GADD45GIP1: variants seen among roughly 807,000 people sequenced by gnomAD.
GADD45GIP1 encodes large ribosomal subunit protein mL64.
In GADD45GIP1, 17 loss-of-function variants were observed where a neutral mutation model predicts 22.1. The ratio of observed to expected loss-of-function variants is 0.77; its 90% confidence interval spans 0.53 to 1.15. The LOEUF (loss-of-function observed/expected upper bound fraction) is 1.15. Ranked by LOEUF, GADD45GIP1 falls within the 50% of genes most tolerant of loss-of-function variation. The probability of loss-of-function intolerance (pLI) is 0.00; values close to 1 mark genes in which losing one functional copy is unlikely to be tolerated. For missense variants in GADD45GIP1, 294 were observed against 314.0 expected (o/e 0.94, Z 0.48); for synonymous variants, 135 against 138.4 (o/e 0.98, Z 0.17).
chr19:12,957,145 C>G lies in GADD45GIP1; in HGVS notation c.68G>C (p.Arg23Pro), dbSNP rs759528552. Residue 23 changes from arginine to proline, a missense_variant, in exon 1 of 2, where the codon CGT (arginine) becomes CCT (proline). Coordinates refer to ENST00000316939, the MANE Select transcript of GADD45GIP1 (RefSeq NM_052850.4). The stretch of plus-strand genomic sequence containing the variant: ...CGGGGGCGGCCGCGCCCGGTAGCCA[C>G]GGGAACCCGGGGCCAGGGTCGCCGC... ...GVAATLAPGS[R>P]GYRARPPPRR... 2 of 1,415,764 alleles carry G rather than the reference C, an allele frequency of 1.4e-6. No homozygotes were observed. Among genetic ancestry groups the G allele is most frequent in the Middle Eastern group, 2.6e-4 (1 of 3,814 alleles). 87.7% of individuals were successfully genotyped at this position (1,415,764 alleles called of 1,614,324 possible).
chr19:12,953,254 GTCC>G lies in GADD45GIP1; in HGVS notation c.*951_*953del, dbSNP rs1186016615. ...TCCCGGGCCAGACAGCTGTCCCCCC[GTCC>G]TCCTCCCCAGCCCAGCCTGCTCAGA... is the stretch of plus-strand genomic sequence containing the variant. On this transcript the variant is annotated 3_prime_UTR_variant, in exon 2 of 2. Transcript: ENST00000316939. 1 of 417,598 alleles carries G rather than the reference GTCC, an allele frequency of 2.4e-6. No individual in the cohort carries two copies. Among genetic ancestry groups the G allele is most frequent in the Non-Finnish European group, 4.1e-6 (1 of 241,324 alleles). The allele number at this position is 417,598 out of a possible 1,614,324, so 25.9% of individuals were successfully genotyped here.
At chr19:12,955,803 G>A (rs1165282717) in intron 1 of GADD45GIP1, among the ~76,000 whole-genome samples, 1 of 152,088 alleles carries the variant, frequency 6.6e-6, no homozygotes, top group African/African-American at 2.4e-5. Flanking sequence ...AGAGGTTGCA[G>A]TGAGCTGAGA....
At chr19:12,955,850 C>T (rs1440518180) in intron 1 of GADD45GIP1, among the ~76,000 whole-genome samples, 1 of 151,458 alleles carries the variant, frequency 6.6e-6, no homozygotes, top group African/African-American at 2.4e-5. Context: ...CAAAACTCTG[C>T]CTCAAAACAA....
At position 12,956,963 on chromosome 19, in the gene GADD45GIP1, C is replaced by A. The variant is rs750304726; in HGVS notation, c.250G>T (p.Glu84Ter). The stretch of plus-strand genomic sequence containing the variant: ...CATTCGCGTTCTTCGGCCTCCAGCT[C>A]CCGCAGCTGCTCCGGCGACGGCCAT... ...SLWPSPEQLR[E>*]LEAEEREWYP... The change falls in exon 1 of 2, where the codon GAG (glutamate) becomes TAG (stop). Residue 84 changes from glutamate (E) to a stop codon, truncating the protein, a stop_gained. Coordinates refer to ENST00000316939, the MANE Select transcript of GADD45GIP1 (RefSeq NM_052850.4). LOFTEE classifies it high-confidence loss of function. 1 of 1,599,236 alleles carries A rather than the reference C, an allele frequency of 6.3e-7. No homozygotes were observed. Among genetic ancestry groups the A allele is most frequent in the Non-Finnish European group, 8.5e-7 (1 of 1,179,714 alleles).
Position 12,957,134 on chromosome 19 carries a change from C to A in GADD45GIP1, c.79G>T (p.Ala27Ser). ...GGCCTGCGGCGCGGGGGCGGCCGCGCCCGGTAGCCACGGGAACCCGGGGCC... is the reference window on the plus strand; with the variant it reads ...GGCCTGCGGCGCGGGGGCGGCCGCGACCGGTAGCCACGGGAACCCGGGGCC... ...TLAPGSRGYR[A>S]RPPPRRRPGP... Residue 27 changes from alanine (A) to serine (S), a missense_variant, in exon 1 of 2, where the codon GCG becomes TCG. Physicochemically the swap from Ala to Ser is moderately conservative, Grantham distance 99. Transcript: ENST00000316939. 1 of 1,413,754 alleles carries A rather than the reference C, an allele frequency of 7.1e-7. No individual in the cohort carries two copies. Among genetic ancestry groups the A allele is most frequent in the Non-Finnish European group, 9.1e-7 (1 of 1,096,886 alleles). 87.6% of individuals were successfully genotyped at this position (1,413,754 alleles called of 1,614,324 possible).
chr19:12,953,901 C>T lies in GADD45GIP1; in HGVS notation c.*307G>A, dbSNP rs1026192825. The T allele has an allele frequency of 8.6e-6, 3 of 347,076 alleles. No individual in the cohort carries two copies. The highest frequency in any genetic ancestry group is 5.4e-5 in the East Asian group (1 of 18,442). 21.5% of individuals were successfully genotyped at this position (347,076 alleles called of 1,614,324 possible). A position where few individuals can be genotyped will look rare whatever the true frequency, so the allele number is the denominator to read the frequency against. On this transcript the variant is annotated 3_prime_UTR_variant, in exon 2 of 2. Transcript: ENST00000316939. ...AGTCTGTTTTGGCTATACTTCCCCC[C>T]CCACCAGCCTTGTAATTGGCTAATT... is the stretch of plus-strand genomic sequence containing the variant.
intron 1 of GADD45GIP1, among the ~76,000 whole-genome samples, chr19:12,956,510 C>T (rs1410558964): frequency 6.6e-6 from 1 of 152,072 alleles, no homozygotes; most frequent in Admixed American, 6.6e-5. Context: ...AAAAATTTGC[C>T]GGGCGTGGTG....
chr19:12,956,682 A>C (rs1395054291), intron 1 of GADD45GIP1, among the ~76,000 whole-genome samples, 181 bp downstream of exon 1: 1 of 148,982 alleles, frequency 6.7e-6, no homozygotes, highest in African/African-American at 2.4e-5. Context: ...AACAAACAAA[A>C]CTTGCTGATG....
chr19:12,957,155 G>A lies in GADD45GIP1; in HGVS notation c.58C>T (p.Pro20Ser). 1 of 1,419,428 alleles carries A rather than the reference G, an allele frequency of 7.0e-7. No homozygotes were observed. Among genetic ancestry groups the A allele is most frequent in the Non-Finnish European group, 9.1e-7 (1 of 1,100,276 alleles). 87.9% of individuals were successfully genotyped at this position (1,419,428 alleles called of 1,614,324 possible). The change falls in exon 1 of 2, where the codon CCG (proline) becomes TCG (serine). Residue 20 changes from proline to serine, a missense_variant. Physicochemically the swap from Pro to Ser is moderately conservative, Grantham distance 74. Transcript: ENST00000316939. ...CGCGCCCGGTAGCCACGGGAACCCG[G>A]GGCCAGGGTCGCCGCCACACCTAGT... The part of the protein sequence containing the change: ...SLLGVAATLA[P>S]GSRGYRARPP...
Position 12,953,173 on chromosome 19 carries a change from AAAAAC to A in GADD45GIP1, c.*1030_*1034del. 1 of 698,960 alleles carries A rather than the reference AAAAAC, an allele frequency of 1.4e-6. No homozygotes were observed. Among genetic ancestry groups the A allele is most frequent in the Non-Finnish European group, 2.2e-6 (1 of 449,634 alleles). The allele number at this position is 698,960 out of a possible 1,614,324, so 43.3% of individuals were successfully genotyped here. On this transcript the variant is annotated 3_prime_UTR_variant, in exon 2 of 2. Coordinates refer to ENST00000316939, the MANE Select transcript of GADD45GIP1 (RefSeq NM_052850.4). ...TGGAAAAAAAAATCAAAAATCTTAA[AAAAAC>A]AAGCAAACAGTCCAGCTTCCTGTCC...
Position 12,953,903 on chromosome 19 carries a change from C to G in GADD45GIP1, c.*305G>C, listed in dbSNP as rs558765789. On this transcript the variant is annotated 3_prime_UTR_variant, in exon 2 of 2. Transcript: ENST00000316939. ...TCTGTTTTGGCTATACTTCCCCCCC[C>G]ACCAGCCTTGTAATTGGCTAATTAC... 7.9e-5 allele frequency: 28 copies of G among 352,690 alleles called. No homozygotes were observed. In the South Asian group the frequency reaches 1.0e-3, roughly 13 times the overall value. 21.8% of individuals were successfully genotyped at this position (352,690 alleles called of 1,614,324 possible).
Position 12,954,282 on chromosome 19 carries a change from T to C in GADD45GIP1, c.595A>G (p.Lys199Glu), listed in dbSNP as rs145414355. 2,923 of 1,611,626 alleles carry C rather than the reference T, an allele frequency of 1.8e-3. 26 individuals carry two copies. The highest frequency in any genetic ancestry group is 0.014 in the South Asian group (1,286 of 91,056). Residue 199 changes from lysine to glutamate, a missense_variant, in exon 2 of 2, where the codon AAG becomes GAG. Lys to Glu is a moderately conservative substitution (Grantham distance 56). Coordinates refer to ENST00000316939, the MANE Select transcript of GADD45GIP1 (RefSeq NM_052850.4). ...GCCAATGCAGCAGCTCGCGCCTCCT[T>C]CTTCCGTTTCTGTTTTTCCTCCTTG... ...RLKEEKQKRK[K>E]EARAAALAAA...
chr19:12,954,183 G>A lies in GADD45GIP1; in HGVS notation c.*25C>T. The A allele has an allele frequency of 6.3e-7, 1 of 1,597,510 alleles. No homozygotes were observed. ...TCTTCAGGGGTACTGCCAGGTAGCAGGCTTTATTGGGAAGGGACAAAGCCT... is the reference window on the plus strand; with the variant it reads ...TCTTCAGGGGTACTGCCAGGTAGCAAGCTTTATTGGGAAGGGACAAAGCCT... On this transcript the variant is annotated 3_prime_UTR_variant, in exon 2 of 2. Coordinates refer to ENST00000316939, the MANE Select transcript of GADD45GIP1 (RefSeq NM_052850.4).
rs1377231954 is a variant in GADD45GIP1 at position 12,957,014 on chromosome 19, C to T, written c.199G>A (p.Ala67Thr). The T allele has an allele frequency of 1.3e-6, 2 of 1,597,672 alleles. No homozygotes were observed. Among genetic ancestry groups the T allele is most frequent in the Non-Finnish European group, 1.7e-6 (2 of 1,179,056 alleles). ...AACGAACCGGGGACCACCCCGGAGG[C>T]GGCGCCGTAACGCGCGAACTGCTTA... ...AAKQFARYGA[A>T]SGVVPGSLWP... Residue 67 changes from alanine (A) to threonine (T), a missense_variant, in exon 1 of 2, where the codon GCC becomes ACC. Ala to Thr is a moderately conservative substitution (Grantham distance 58). Transcript: ENST00000316939.
chr19:12,954,637 C>A, intron 1 of GADD45GIP1, 111 bp from the exon 2 acceptor site: 1 of 775,112 alleles, frequency 1.3e-6, no homozygotes, highest in East Asian at 2.7e-5. Context: ...CTCAACTCCC[C>A]CAGTAGATTA....
At position 12,953,445 on chromosome 19, in the gene GADD45GIP1, C is replaced by T. The variant is rs1331139753; in HGVS notation, c.*763G>A. ...GGATGAGGGGAAGCTGGAGCCCCAACTTTGATCCTCCATTGGAGTGGCCCA... is the reference window on the plus strand; with the variant it reads ...GGATGAGGGGAAGCTGGAGCCCCAATTTTGATCCTCCATTGGAGTGGCCCA... On this transcript the variant is annotated 3_prime_UTR_variant, in exon 2 of 2. Transcript: ENST00000316939. 1 of 156,088 alleles carries T rather than the reference C, an allele frequency of 6.4e-6. No individual in the cohort carries two copies. Among genetic ancestry groups the T allele is most frequent in the African/African-American group, 2.4e-5 (1 of 41,570 alleles). 9.7% of individuals were successfully genotyped at this position (156,088 alleles called of 1,614,324 possible). A position where few individuals can be genotyped will look rare whatever the true frequency, so the allele number is the denominator to read the frequency against.
In GADD45GIP1 at chr19:12,955,957, C is replaced by A. The variant is rs1971919092; in HGVS notation, c.350+906G>T. On this transcript the variant is annotated intron_variant, in intron 1 of 1. Coordinates refer to ENST00000316939, the MANE Select transcript of GADD45GIP1 (RefSeq NM_052850.4). ...GGTTCCAGGACCCATCACCTTCCTG[C>A]CCTCACCTTTTCCCCAGCCACACTG... Among the ~76,000 whole-genome samples the A allele has an allele frequency of 2.0e-5, 3 of 152,326 alleles. No homozygotes were observed. The South Asian group carries it at 6.2e-4, about 32-fold the overall frequency.
Position 12,954,424 on chromosome 19 carries a change from C to A in GADD45GIP1, c.453G>T (p.Glu151Asp), listed in dbSNP as rs1971897435. The change falls in exon 2 of 2, where the codon GAG (glutamate) becomes GAT (aspartate). Residue 151 changes from glutamate to aspartate, a missense_variant. Physicochemically the swap from Glu to Asp is conservative, Grantham distance 45. Coordinates refer to ENST00000316939, the MANE Select transcript of GADD45GIP1 (RefSeq NM_052850.4). ...CCTCAGCCTGCAGTCGGGCCCTCCT[C>A]TCCTTGTCAGCCTGGGCCTTCTCCC... ...ENWEKAQADKERRARLQAEAQ... is the reference protein window; with the variant it reads ...ENWEKAQADKDRRARLQAEAQ... 1 of 1,614,104 alleles carries A rather than the reference C, an allele frequency of 6.2e-7. No homozygotes were observed. Among genetic ancestry groups the A allele is most frequent in the Admixed American group, 1.7e-5 (1 of 60,008 alleles).
rs1038813887 is a variant in GADD45GIP1 at position 12,953,832 on chromosome 19, C to T, written c.*376G>A. On this transcript the variant is annotated 3_prime_UTR_variant, in exon 2 of 2. Coordinates refer to ENST00000316939, the MANE Select transcript of GADD45GIP1 (RefSeq NM_052850.4). ...TTCCAGGCAGTGGACCCCAGCCCAA[C>T]GTTACAAGGACTGCTTCTCCCCGGC... 3 of 187,274 alleles carry T rather than the reference C, an allele frequency of 1.6e-5. No homozygotes were observed. Among genetic ancestry groups the T allele is most frequent in the African/African-American group, 2.4e-5 (1 of 42,322 alleles). 11.6% of individuals were successfully genotyped at this position (187,274 alleles called of 1,614,324 possible). A position where few individuals can be genotyped will look rare whatever the true frequency, so the allele number is the denominator to read the frequency against.
Sources: allele counts gnomAD v4.1 joint callset (sites outside exome capture counted in the v4.1 genomes callset), GRCh38; gene constraint gnomAD v4.1.1; transcripts MANE v1.5; gene names NCBI Gene and HGNC (gene_info 2026-07-23, HGNC 2026-07-21).